The following TRAPPC11 variants were observed in gnomAD, a reference collection of about 807,000 sequenced individuals.
TRAPPC11 encodes foie gras homolog.
TRAPPC11 carries 104 observed loss-of-function variants against 151.2 expected under a neutral mutation model. The ratio of observed to expected loss-of-function variants is 0.69; its 90% CI spans 0.59 to 0.81. The LOEUF is 0.81. TRAPPC11 is among the 30% of genes least tolerant of loss of function. The pLI is 0.00. For synonymous variants in TRAPPC11, 456 were observed against 472.3 expected (o/e 0.97, Z 0.45); for missense variants, 1,230 against 1,349.6 (o/e 0.91, Z 1.39).
chr4:183,697,453 A>C (rs770877238), intron 23 of TRAPPC11, 50 bp from the exon 24 acceptor site: 52 of 1,552,944 alleles, frequency 3.3e-5, no homozygotes, highest in Non-Finnish European at 4.5e-5. Flanking sequence ...AAAACTTTAT[A>C]TAAAAAGATT....
intron 23 of TRAPPC11, among the ~76,000 whole-genome samples, chr4:183,695,680 A>C (rs909636770): frequency 8.5e-5 from 13 of 152,194 alleles, no homozygotes; most frequent in African/African-American, 3.1e-4. Flanking sequence ...TCCTCAGCCC[A>C]GCAGAGGAGA....
At chr4:183,675,104 T>A in intron 6 of TRAPPC11, 60 bp from the exon 7 acceptor site, 2 of 904,792 alleles carry the variant, frequency 2.2e-6, no homozygotes, top group South Asian at 4.6e-5. Context: ...ATAATAAACA[T>A]TATAATTTTC....
In TRAPPC11 at chr4:183,667,117, C is replaced by G; in HGVS notation, c.432C>G (p.Thr144=). 6.2e-7 allele frequency: 1 copy of G among 1,602,758 alleles called. No individual in the cohort carries two copies. Among genetic ancestry groups the G allele is most frequent in the Non-Finnish European group, 8.5e-7 (1 of 1,172,618 alleles). Residue 144 remains threonine (T), a synonymous_variant, in exon 4 of 30, where the codon ACC becomes ACG. Transcript: ENST00000334690. The stretch of plus-strand genomic sequence containing the variant: ...CAGTGGTTCTGATTCAGAAGAAAAC[C>G]CCTTTGCCCCCAGGTATCAGAAGTC... ...KVAVVLIQKK[T]PLPPGEDVIA...
rs2111290486 is a variant in TRAPPC11 at position 183,664,052 on chromosome 4, A to T, written c.185A>T (p.Tyr62Phe). Residue 62 changes from tyrosine to phenylalanine, a missense_variant, in exon 2 of 30, where the codon TAT becomes TTT. By Grantham distance (22) the Tyr-to-Phe change is conservative. Coordinates refer to ENST00000334690, the MANE Select transcript of TRAPPC11 (RefSeq NM_021942.6). ...AAGGTGCTCCCAGGTGACCATGAGT[A>T]TCCCAAATGTAGACCCAAGGTAATG... ...SFKVLPGDHE[Y>F]PKCRPKRTSY... 2 of 1,613,304 alleles carry T rather than the reference A, an allele frequency of 1.2e-6. No homozygotes were observed. The highest frequency in any genetic ancestry group is 1.7e-6 in the Non-Finnish European group (2 of 1,179,986).
At chr4:183,664,394 G>A (rs1490119189) in intron 2 of TRAPPC11, among the ~76,000 whole-genome samples, 4 of 152,082 alleles carry the variant, frequency 2.6e-5, no homozygotes, top group Non-Finnish European at 5.9e-5. Context: ...TACTAATGTC[G>A]TTTTTGAATC....
intron 1 of TRAPPC11, among the ~76,000 whole-genome samples, chr4:183,661,558 A>T: frequency 6.6e-6 from 1 of 151,416 alleles, no homozygotes; most frequent in East Asian, 1.9e-4. Context: ...TTTTTAGTAG[A>T]GACGGGGTTT....
Position 183,693,981 on chromosome 4 carries a change from A to C in TRAPPC11, c.2451A>C (p.Glu817Asp). 2 of 1,614,112 alleles carry C rather than the reference A, an allele frequency of 1.2e-6. No homozygotes were observed. The highest frequency in any genetic ancestry group is 1.7e-6 in the Non-Finnish European group (2 of 1,179,952). Residue 817 changes from glutamate to aspartate, a missense_variant, in exon 22 of 30, where the codon GAA becomes GAC. By Grantham distance (45) the Glu-to-Asp change is conservative (BLOSUM62 2). Coordinates refer to ENST00000334690, the MANE Select transcript of TRAPPC11 (RefSeq NM_021942.6). ...VTLHGTELCD[E>D]SYPALLTDIP... ...TTCATGGAACAGAACTGTGTGATGA[A>C]TCCTACCCGGCTTTACTCACTGACA...
chr4:183,662,438 C>T (rs114041313), intron 1 of TRAPPC11, among the ~76,000 whole-genome samples: 2,846 of 150,014 alleles, frequency 0.019, 83 homozygotes, highest in African/African-American at 0.067. Context: ...CAGTCTTGTT[C>T]GGGATAAACA....
chr4:183,687,888 C>T (rs1263894955), intron 18 of TRAPPC11, among the ~76,000 whole-genome samples: 1 of 152,168 alleles, frequency 6.6e-6, no homozygotes, highest in African/African-American at 2.4e-5. Flanking sequence ...ATAACCTAGA[C>T]ATTTTCTGCA....
At chr4:183,692,185 G>T (rs79416420) in intron 19 of TRAPPC11, among the ~76,000 whole-genome samples, 12,856 of 152,122 alleles carry the variant, frequency 0.085, 726 homozygotes, top group Middle Eastern at 0.16. Flanking sequence ...AATGTAACTT[G>T]CTTGGAATAG....
intron 5 of TRAPPC11, among the ~76,000 whole-genome samples, chr4:183,674,272 G>A (rs1354424219): frequency 1.3e-5 from 2 of 151,874 alleles, no homozygotes; most frequent in African/African-American, 4.8e-5. Context: ...ATAAAAATTA[G>A]CTAGGCATGG....
At position 183,689,940 on chromosome 4, in the gene TRAPPC11, C is replaced by A. The variant is rs1023049430; in HGVS notation, c.1894-1376C>A. ...GATACAGGCGGGGCGCAGTGGCTCACGCCTGTAATCCCAGCACTTTGGGAG... is the reference window on the plus strand; with the variant it reads ...GATACAGGCGGGGCGCAGTGGCTCAAGCCTGTAATCCCAGCACTTTGGGAG... On this transcript the variant is annotated intron_variant, in intron 18 of 29. Coordinates refer to ENST00000334690, the MANE Select transcript of TRAPPC11 (RefSeq NM_021942.6). 2.0e-5 allele frequency among the ~76,000 whole-genome samples: 3 copies of A among 152,220 alleles called. No individual in the cohort carries two copies. In the South Asian group the frequency reaches 6.2e-4, roughly 32 times the overall value.
chr4:183,696,351 T>C (rs914538189), intron 23 of TRAPPC11, among the ~76,000 whole-genome samples: 9 of 152,170 alleles, frequency 5.9e-5, no homozygotes, highest in Admixed American at 2.0e-4. Flanking sequence ...GGTTGTGTTA[T>C]TTGTTTTGAA....
chr4:183,674,412 C>A (rs1409051864), intron 5 of TRAPPC11, among the ~76,000 whole-genome samples: 1 of 140,900 alleles, frequency 7.1e-6, no homozygotes, highest in African/African-American at 2.7e-5. Flanking sequence ...CAGAGCCAGA[C>A]CCTGTCTCAA....
At chr4:183,697,657 C>T in intron 24 of TRAPPC11, 22 bp from the exon 25 acceptor site, 2 of 1,612,606 alleles carry the variant, frequency 1.2e-6, no homozygotes, top group Non-Finnish European at 1.7e-6. Flanking sequence ...CCTGACAGAC[C>T]TTTTATCTTC....
chr4:183,686,084 C>T (rs1464970288), intron 17 of TRAPPC11, among the ~76,000 whole-genome samples: 2 of 150,800 alleles, frequency 1.3e-5, no homozygotes, highest in Admixed American at 6.6e-5. Context: ...GTGATGCACC[C>T]GCCTGAGCCT....
chr4:183,685,023 A>T, intron 15 of TRAPPC11, 61 bp from the exon 16 acceptor site: 1 of 1,508,516 alleles, frequency 6.6e-7, no homozygotes, highest in South Asian at 1.2e-5. Context: ...AAAACAATAA[A>T]TGGGGGTAGT....
chr4:183,678,191 C>T (rs6819382), intron 8 of TRAPPC11, among the ~76,000 whole-genome samples: 74,625 of 151,902 alleles, frequency 0.49, 18,920 homozygotes, highest in African/African-American at 0.62. Context: ...CCTGTCTCGG[C>T]CTCCCAAAGT....
intron 2 of TRAPPC11, among the ~76,000 whole-genome samples, chr4:183,665,171 T>C (rs915652334): frequency 7.1e-5 from 10 of 140,256 alleles, no homozygotes; most frequent in Non-Finnish European, 1.4e-4. Flanking sequence ...ATCGGCTCAC[T>C]GCAAGCTCCG....
Sources: allele counts gnomAD v4.1 joint callset (sites outside exome capture counted in the v4.1 genomes callset), GRCh38; gene constraint gnomAD v4.1.1; transcripts MANE v1.5; gene names NCBI Gene and HGNC (gene_info 2026-07-23, HGNC 2026-07-21).